The following LUZP2 variants were observed in gnomAD, a reference collection of about 807,000 sequenced individuals.
The protein encoded by LUZP2 is leucine zipper protein 2.
LUZP2 carries 52 observed loss-of-function variants against 51.6 expected under a neutral mutation model. That is an observed-to-expected ratio of 1.01 (90% CI 0.81 to 1.27). LUZP2 has a LOEUF of 1.27. Among genes scored for constraint, LUZP2 ranks in the 50% most tolerant of loss-of-function variants. LUZP2 has a pLI of 0.00. For synonymous variants in LUZP2, 154 were observed against 137.3 expected (o/e 1.12, Z -0.85); for missense variants, 436 against 395.4 (o/e 1.10, Z -0.87).
At chr11:24,926,222 CGTGTATATATATATGTGT>C (rs1222180484) in intron 7 of LUZP2, among the ~76,000 whole-genome samples, 1 of 127,736 alleles carries the variant, frequency 7.8e-6, no homozygotes, top group Non-Finnish European at 1.7e-5. Context: ...TATATATATA[CGTGTATATATATATGTGT>C]GTGTATATAT....
chr11:24,719,993 A>C (rs1395944262), intron 1 of LUZP2, among the ~76,000 whole-genome samples: 1 of 152,226 alleles, frequency 6.6e-6, no homozygotes, highest in African/African-American at 2.4e-5. Context: ...TGGCCCAGCT[A>C]AGCTCAGACT....
intron 1 of LUZP2, among the ~76,000 whole-genome samples, chr11:24,614,608 T>G (rs1363392646): frequency 6.6e-6 from 1 of 151,990 alleles, no homozygotes; most frequent in Non-Finnish European, 1.5e-5. Context: ...ACAGTGACCT[T>G]TCTATGTTCA....
chr11:24,736,192 A>G (rs1858929261), intron 3 of LUZP2, among the ~76,000 whole-genome samples: 1 of 150,666 alleles, frequency 6.6e-6, no homozygotes, highest in Non-Finnish European at 1.5e-5. Flanking sequence ...ATAGATACCT[A>G]CTCCCACACA....
At chr11:24,657,918 T>C (rs1855866688) in intron 1 of LUZP2, among the ~76,000 whole-genome samples, 1 of 151,998 alleles carries the variant, frequency 6.6e-6, no homozygotes, top group Admixed American at 6.6e-5. Flanking sequence ...CTCAATGAAA[T>C]AAAAGAGGAC....
intron 1 of LUZP2, among the ~76,000 whole-genome samples, chr11:24,538,347 A>G (rs536000029): frequency 7.2e-4 from 109 of 151,932 alleles, no homozygotes; most frequent in African/African-American, 2.5e-3. Flanking sequence ...TGATAAAACT[A>G]TACAATTATA....
At chr11:25,036,239 A>G (rs1320094579) in intron 9 of LUZP2, among the ~76,000 whole-genome samples, 1 of 152,074 alleles carries the variant, frequency 6.6e-6, no homozygotes. Flanking sequence ...AGTTTCTTCT[A>G]TATTTTCTAA....
rs1856973802 is a variant in LUZP2 at position 25,011,120 on chromosome 11, C to A, written c.765+27827C>A. On this transcript the variant is annotated intron_variant, in intron 9 of 11. Coordinates refer to ENST00000336930, the MANE Select transcript of LUZP2 (RefSeq NM_001009909.4). ...AACAGCAACCCTCGAGGGCATGGGG[C>A]ATATATATTTTATTTTAGTTTCCTT... Among the ~76,000 whole-genome samples, 5 of 152,112 alleles carry A rather than the reference C, an allele frequency of 3.3e-5. 1 individual carries two copies. The South Asian group carries it at 1.0e-3, about 32-fold the overall frequency.
At chr11:25,037,891 T>C (rs554504863) in intron 9 of LUZP2, among the ~76,000 whole-genome samples, 48 of 152,138 alleles carry the variant, frequency 3.2e-4, no homozygotes, top group African/African-American at 1.2e-3. Context: ...GCCTTTAAGA[T>C]TTTTTCTTTT....
intron 9 of LUZP2, among the ~76,000 whole-genome samples, chr11:24,997,419 T>C (rs1856539318): frequency 6.6e-6 from 1 of 152,120 alleles, no homozygotes; most frequent in Non-Finnish European, 1.5e-5. Flanking sequence ...AATGTCTTCT[T>C]TTGAGAAGTG....
At chr11:24,524,988 G>A (rs1415591601) in intron 1 of LUZP2, among the ~76,000 whole-genome samples, 1 of 151,630 alleles carries the variant, frequency 6.6e-6, no homozygotes, top group African/African-American at 2.4e-5. Flanking sequence ...AAAAGAATTA[G>A]AGAAACATTA....
intron 1 of LUZP2, among the ~76,000 whole-genome samples, chr11:24,662,259 A>G (rs1426012009): frequency 1.3e-5 from 2 of 152,164 alleles, no homozygotes; most frequent in African/African-American, 4.8e-5. Context: ...CATCACATTC[A>G]TAAAACAAAA....
At chr11:24,501,250 A>G (rs1287896144) in intron 1 of LUZP2, among the ~76,000 whole-genome samples, 3 of 152,222 alleles carry the variant, frequency 2.0e-5, no homozygotes, top group African/African-American at 7.2e-5. Context: ...GCAGTTTTGC[A>G]CCTTAGTCAC....
At chr11:24,760,109 G>A (rs1302748472) in intron 4 of LUZP2, among the ~76,000 whole-genome samples, 9 of 152,084 alleles carry the variant, frequency 5.9e-5, no homozygotes, top group South Asian at 2.1e-4. Flanking sequence ...TTTTGTGATC[G>A]GCAATTGGCA....
At chr11:25,035,476 C>T (rs1246990996) in intron 9 of LUZP2, among the ~76,000 whole-genome samples, 2 of 151,810 alleles carry the variant, frequency 1.3e-5, no homozygotes, top group Non-Finnish European at 2.9e-5. Context: ...ATACAGCTAA[C>T]CAAGGAGGTG....
chr11:24,914,368 G>A (rs1853732214), intron 6 of LUZP2, 108 bp from the exon 7 acceptor site: 6 of 805,914 alleles, frequency 7.4e-6, no homozygotes, highest in African/African-American at 1.8e-5. Context: ...GTTGGACTGT[G>A]CTTTGCTTGG....
At chr11:24,942,456 T>C (rs1854780213) in intron 7 of LUZP2, among the ~76,000 whole-genome samples, 1 of 152,176 alleles carries the variant, frequency 6.6e-6, no homozygotes, top group Non-Finnish European at 1.5e-5. Context: ...GAGAATGATG[T>C]TGTTGAATAC....
chr11:24,702,737 A>T (rs1857453828), intron 1 of LUZP2, among the ~76,000 whole-genome samples: 1 of 152,210 alleles, frequency 6.6e-6, no homozygotes, highest in African/African-American at 2.4e-5. Context: ...AGGGACAACC[A>T]TTCAAATCAT....
At chr11:24,713,919 C>T (rs1237429180) in intron 1 of LUZP2, among the ~76,000 whole-genome samples, 4 of 131,032 alleles carry the variant, frequency 3.1e-5, no homozygotes, top group African/African-American at 1.2e-4. Context: ...TGGTCTTGAA[C>T]TCCTGACCTC....
chr11:24,844,997 C>A (rs939355984), intron 5 of LUZP2, among the ~76,000 whole-genome samples: 1 of 82 alleles, frequency 0.012, no homozygotes, highest in South Asian at 0.5. Context: ...GGGCCACAGC[C>A]CCCCACACAA....
Sources: allele counts gnomAD v4.1 joint callset (sites outside exome capture counted in the v4.1 genomes callset), GRCh38; gene constraint gnomAD v4.1.1; transcripts MANE v1.5; gene names NCBI Gene and HGNC (gene_info 2026-07-23, HGNC 2026-07-21).